GALNT14: variants seen among roughly 807,000 people sequenced by gnomAD.
GALNT14 encodes UDP-GalNAc:polypeptide N-acetylgalactosaminyltransferase 14.
Under a neutral mutation model 77.5 loss-of-function variants are expected in GALNT14, and 60 were observed. The ratio of observed to expected loss-of-function variants is 0.77; its 90% confidence interval spans 0.63 to 0.96. GALNT14 has a LOEUF of 0.96. GALNT14 is among the 40% of genes least tolerant of loss of function. The pLI is 0.00. For missense variants in GALNT14, 710 were observed against 731.0 expected (o/e 0.97, Z 0.33); for synonymous variants, 280 against 281.7 (o/e 0.99, Z 0.06).
intron 13 of GALNT14, among the ~76,000 whole-genome samples, chr2:30,913,815 G>C (rs536436030): frequency 2.0e-5 from 3 of 152,224 alleles, no homozygotes; most frequent in Non-Finnish European, 2.9e-5. Flanking sequence ...GACTGTCCTT[G>C]AGTCTTGTTC....
At chr2:31,034,068 T>A (rs573652287) in intron 1 of GALNT14, among the ~76,000 whole-genome samples, 165 of 152,286 alleles carry the variant, frequency 1.1e-3, no homozygotes, top group African/African-American at 3.6e-3. Context: ...CTCAGAGAAA[T>A]TGCCTAAGAA....
chr2:30,958,932 A>G (rs1048897986), intron 3 of GALNT14, among the ~76,000 whole-genome samples: 2 of 152,204 alleles, frequency 1.3e-5, no homozygotes, highest in Admixed American at 6.5e-5. Flanking sequence ...CTCCTCGCCA[A>G]TGCAAATAAA....
intron 13 of GALNT14, 97 bp downstream of exon 13, chr2:30,924,022 T>A: frequency 7.4e-7 from 1 of 1,344,324 alleles, no homozygotes; most frequent in Non-Finnish European, 1.1e-6. Flanking sequence ...TAAATGGGCA[T>A]CTGATGTCAT....
chr2:31,125,083 A>G, intron 1 of GALNT14: 21 of 1,093,764 alleles, frequency 1.9e-5, no homozygotes, highest in Non-Finnish European at 2.6e-5. Flanking sequence ...TCCTACCCAC[A>G]GTACCCAGGG....
intron 13 of GALNT14, among the ~76,000 whole-genome samples, chr2:30,920,268 G>A (rs1221149230): frequency 1.3e-5 from 2 of 152,142 alleles, no homozygotes; most frequent in Non-Finnish European, 2.9e-5. Flanking sequence ...TTTTGGCCTC[G>A]GCCTGTATCT....
chr2:31,009,303 C>G (rs1328403202), intron 1 of GALNT14, among the ~76,000 whole-genome samples: 1 of 148,058 alleles, frequency 6.8e-6, no homozygotes, highest in Non-Finnish European at 1.5e-5. Flanking sequence ...CATCCTACCC[C>G]CTGGAAAAGC....
At chr2:30,895,705 T>C in the GALNT14 span, among the ~76,000 whole-genome samples, 3 of 152,140 alleles carry the variant, frequency 2.0e-5, no homozygotes, top group African/African-American at 7.2e-5. Context: ...TTCCTTTCCC[T>C]GCTCTGTGCC....
At chr2:31,099,236 C>G (rs1204128280) in intron 1 of GALNT14, among the ~76,000 whole-genome samples, 1 of 151,782 alleles carries the variant, frequency 6.6e-6, no homozygotes, top group Non-Finnish European at 1.5e-5. Context: ...AAATTTAGGT[C>G]TATTCATATT....
intron 1 of GALNT14, among the ~76,000 whole-genome samples, chr2:31,111,578 T>C (rs1016125501): frequency 6.6e-6 from 1 of 150,766 alleles, no homozygotes; most frequent in African/African-American, 2.4e-5. Context: ...AAATAAACTA[T>C]AACAAACCAC....
the GALNT14 span, among the ~76,000 whole-genome samples, chr2:30,895,017 C>T: frequency 1.3e-5 from 2 of 152,188 alleles, no homozygotes; most frequent in East Asian, 3.9e-4. Context: ...GCTTCATGAC[C>T]CCACAGAAAG....
chr2:31,055,551 C>A (rs939949417), intron 1 of GALNT14, among the ~76,000 whole-genome samples: 1 of 152,118 alleles, frequency 6.6e-6, no homozygotes, highest in Non-Finnish European at 1.5e-5. Flanking sequence ...TCTGGTGTGC[C>A]CCTGCTACCG....
chr2:30,970,475 T>C, intron 2 of GALNT14, among the ~76,000 whole-genome samples: 1 of 152,110 alleles, frequency 6.6e-6, no homozygotes, highest in East Asian at 1.9e-4. Flanking sequence ...AAATGGAAGC[T>C]AGAATTGCTA....
At chr2:30,983,003 C>A (rs756938109) in intron 2 of GALNT14, among the ~76,000 whole-genome samples, 15 of 152,152 alleles carry the variant, frequency 9.9e-5, no homozygotes, top group Non-Finnish European at 1.3e-4. Context: ...AGGAGAGCAC[C>A]CCCGGAATGC....
chr2:30,942,133 G>GAC, intron 9 of GALNT14, 68 bp downstream of exon 9: 7 of 1,143,894 alleles, frequency 6.1e-6, no homozygotes, highest in Non-Finnish European at 9.1e-6. Flanking sequence ...CAAAACCACA[G>GAC]AGGTCCCCGC....
chr2:31,008,676 A>G (rs1165284580), intron 1 of GALNT14, among the ~76,000 whole-genome samples: 1 of 152,250 alleles, frequency 6.6e-6, no homozygotes, highest in Non-Finnish European at 1.5e-5. Flanking sequence ...GAGTGGTGGG[A>G]GGATGCGGTG....
Position 30,964,066 on chromosome 2 carries a change from G to A in GALNT14, c.398+2138C>T, listed in dbSNP as rs147101531. On this transcript the variant is annotated intron_variant, in intron 3 of 14. Transcript: ENST00000349752. ...AGGGCCCAGAGGAAGCCCCTGATGG[G>A]GTGCATGTGTGTGATGGTGTCAGGG... Among the ~76,000 whole-genome samples the A allele has an allele frequency of 1.4e-3, 210 of 152,338 alleles. 1 individual carries two copies. The highest frequency in any genetic ancestry group is 4.1e-3 in the African/African-American group (171 of 41,576).
At position 30,922,977 on chromosome 2, in the gene GALNT14, G is replaced by C. The variant is rs116248399; in HGVS notation, c.1380+1142C>G. Among the ~76,000 whole-genome samples, 385 of 152,114 alleles carry C rather than the reference G, an allele frequency of 2.5e-3. 1 individual carries two copies. The highest frequency in any genetic ancestry group is 8.9e-3 in the African/African-American group (368 of 41,498). ...TTTGTAGAGAAAAGAACAGTGAGCT[G>C]GGAACCTTGATGAATACCCGCCAGA... On this transcript the variant is annotated intron_variant, in intron 13 of 14. Transcript: ENST00000349752.
chr2:30,971,499 T>C (rs79729590), intron 2 of GALNT14, among the ~76,000 whole-genome samples: 3,437 of 152,160 alleles, frequency 0.023, 126 homozygotes, highest in East Asian at 0.21. Context: ...AGGCATGCTT[T>C]TCTAAGCTGA....
chr2:31,124,768 A>C (rs1419688697), intron 1 of GALNT14, among the ~76,000 whole-genome samples: 1 of 152,240 alleles, frequency 6.6e-6, no homozygotes, highest in African/African-American at 2.4e-5. Flanking sequence ...TACTGGTAGC[A>C]GTCGCTGAAT....
Sources: allele counts gnomAD v4.1 joint callset (sites outside exome capture counted in the v4.1 genomes callset), GRCh38; gene constraint gnomAD v4.1.1; transcripts MANE v1.5; gene names NCBI Gene and HGNC (gene_info 2026-07-23, HGNC 2026-07-21).